Variants in MPP7 observed in about 807,000 individuals in gnomAD.
The protein encoded by MPP7 is MAGUK p55 scaffold protein 7.
Under a neutral mutation model 76.5 loss-of-function variants are expected in MPP7, and 60 were observed. The ratio of observed to expected loss-of-function variants is 0.78; its 90% confidence interval spans 0.64 to 0.97. MPP7 has a LOEUF of 0.97. Among genes scored for constraint, MPP7 ranks in the 50% least tolerant of loss-of-function variants. The pLI is 0.00. For missense variants in MPP7, 641 were observed against 694.0 expected (o/e 0.92, Z 0.86); for synonymous variants, 237 against 244.5 (o/e 0.97, Z 0.29).
intron 12 of MPP7, 23 bp from the exon 13 acceptor site, chr10:28,069,875 T>C (rs1852155494): frequency 1.3e-6 from 2 of 1,587,184 alleles, no homozygotes; most frequent in African/African-American, 2.7e-5. Flanking sequence ...GTAACAGAAA[T>C]TCATTATTGG....
chr10:28,136,247 T>C (rs1249505697), intron 5 of MPP7, among the ~76,000 whole-genome samples: 3 of 151,968 alleles, frequency 2.0e-5, no homozygotes, highest in Non-Finnish European at 4.4e-5. Context: ...ACACAACAAA[T>C]GTAATACACT....
At position 28,209,646 on chromosome 10, in the gene MPP7, A is replaced by G. The variant is rs143927883; in HGVS notation, c.38-7375T>C. On this transcript the variant is annotated intron_variant, in intron 2 of 16. Coordinates refer to ENST00000683449, the MANE Select transcript of MPP7 (RefSeq NM_001318170.2). ...AGATTTGAAAGGGAAATACTATTAC[A>G]TCAAAGGCTTGTATTGACAATGTTT... 1.1e-4 allele frequency among the ~76,000 whole-genome samples: 16 copies of G among 152,330 alleles called. No individual in the cohort carries two copies. The East Asian group carries it at 2.9e-3, about 27-fold the overall frequency.
intron 3 of MPP7, among the ~76,000 whole-genome samples, chr10:28,164,041 G>C (rs1748483): frequency 0.75 from 113,728 of 152,146 alleles, 42,655 homozygotes; most frequent in Middle Eastern, 0.84. Context: ...GAGCATAAAG[G>C]CTTGTGAGAC....
intron 1 of MPP7, among the ~76,000 whole-genome samples, chr10:28,333,728 T>C (rs1355533637): frequency 3.3e-5 from 5 of 152,208 alleles, no homozygotes; most frequent in Admixed American, 3.3e-4. Flanking sequence ...AAGAGATACA[T>C]GTAGCCACAT....
At position 28,120,365 on chromosome 10, in the gene MPP7, T is replaced by A. The variant is rs766806940; in HGVS notation, c.716A>T (p.Tyr239Phe). ...AATTGCCTTATCCTCATTAGGATTA[T>A]AGTCAAAGAGGGCTTTGATAAACAT... ...GKMFIKALFD[Y>F]NPNEDKAIPC... is the part of the protein sequence containing the mutation. Residue 239 changes from tyrosine (Y) to phenylalanine (F), a missense_variant, in exon 10 of 17, where the codon TAT (tyrosine) becomes TTT (phenylalanine). Physicochemically the swap from Tyr to Phe is conservative, Grantham distance 22 (BLOSUM62 3). Transcript: ENST00000683449. 11 of 1,612,786 alleles carry A rather than the reference T, an allele frequency of 6.8e-6. No homozygotes were observed. The highest frequency in any genetic ancestry group is 6.7e-5 in the Admixed American group (4 of 59,742).
At chr10:28,141,396 G>T (rs929235636) in intron 5 of MPP7, among the ~76,000 whole-genome samples, 1 of 151,958 alleles carries the variant, frequency 6.6e-6, no homozygotes. Context: ...GGTAACGGGG[G>T]AAATTATCTA....
chr10:28,226,572 G>C (rs1055247915), intron 2 of MPP7, among the ~76,000 whole-genome samples: 8 of 152,150 alleles, frequency 5.3e-5, no homozygotes, highest in African/African-American at 1.7e-4. Context: ...AATGAGTACT[G>C]AGTTTCTGTA....
intron 11 of MPP7, among the ~76,000 whole-genome samples, chr10:28,097,065 G>T (rs1853604717): frequency 1.3e-5 from 2 of 151,994 alleles, no homozygotes. Context: ...TCACGGCTCA[G>T]TGTAGCCTCA....
chr10:28,150,017 G>A lies in MPP7; in HGVS notation c.199C>T (p.Pro67Ser), dbSNP rs1414514851. 1.2e-6 allele frequency: 2 copies of A among 1,613,444 alleles called. No individual in the cohort carries two copies. Among genetic ancestry groups the A allele is most frequent in the African/African-American group, 1.3e-5 (1 of 74,922 alleles). Residue 67 changes from proline (P) to serine (S), a missense_variant, in exon 4 of 17, where the codon CCC becomes TCC. By Grantham distance (74) the Pro-to-Ser change is moderately conservative. Transcript: ENST00000683449. Reference sequence around the variant, plus strand: ...AAGGCCGCCGCACCATGGAGAATGGGCACCGGACTCTGCTTCTCATAGTAG... The same window carrying A: ...AAGGCCGCCGCACCATGGAGAATGGACACCGGACTCTGCTTCTCATAGTAG... ...LHYYEKQSPV[P>S]ILHGAAALAD...
intron 1 of MPP7, among the ~76,000 whole-genome samples, chr10:28,332,894 C>A (rs1008087250): frequency 5.3e-5 from 8 of 152,074 alleles, no homozygotes; most frequent in African/African-American, 1.4e-4. Flanking sequence ...AACTCCCAAC[C>A]TCAAGCAATC....
intron 5 of MPP7, among the ~76,000 whole-genome samples, chr10:28,144,520 C>T (rs1588843692): frequency 6.6e-6 from 1 of 152,178 alleles, no homozygotes. Flanking sequence ...AGCCACTGTT[C>T]GCCCGTTCTG....
chr10:28,260,975 A>G (rs76852718), intron 1 of MPP7, among the ~76,000 whole-genome samples: 1 of 152,034 alleles, frequency 6.6e-6, no homozygotes, highest in Non-Finnish European at 1.5e-5. Flanking sequence ...TACACTATAA[A>G]ATTTATTCTT....
At chr10:28,221,873 T>A (rs1390434381) in intron 2 of MPP7, among the ~76,000 whole-genome samples, 3 of 152,140 alleles carry the variant, frequency 2.0e-5, no homozygotes, top group African/African-American at 7.2e-5. Flanking sequence ...AAATAAAATA[T>A]TTTAAAGTTT....
At chr10:28,142,736 A>C (rs1288806226) in intron 5 of MPP7, among the ~76,000 whole-genome samples, 1 of 152,174 alleles carries the variant, frequency 6.6e-6, no homozygotes, top group African/African-American at 2.4e-5. Context: ...GTCTCAAAAA[A>C]AGAGAAAGAA....
chr10:28,157,278 T>C (rs961836100), intron 3 of MPP7, among the ~76,000 whole-genome samples: 1 of 152,026 alleles, frequency 6.6e-6, no homozygotes, highest in African/African-American at 2.4e-5. Context: ...TCAAAGACGA[T>C]ACAGGGCTAG....
At chr10:28,286,642 A>G (rs1042757671) in intron 1 of MPP7, among the ~76,000 whole-genome samples, 1 of 152,160 alleles carries the variant, frequency 6.6e-6, no homozygotes, top group Admixed American at 6.5e-5. Flanking sequence ...CATGACATCA[A>G]AATTATCATT....
intron 1 of MPP7, among the ~76,000 whole-genome samples, chr10:28,272,017 G>A (rs1226225836): frequency 6.6e-6 from 1 of 151,982 alleles, no homozygotes; most frequent in African/African-American, 2.4e-5. Context: ...TTACAAGGAT[G>A]CATGTTTGAA....
At chr10:28,143,174 T>C (rs797021490) in intron 5 of MPP7, among the ~76,000 whole-genome samples, 1 of 152,140 alleles carries the variant, frequency 6.6e-6, no homozygotes, top group East Asian at 1.9e-4. Context: ...CATTTAATAT[T>C]TATATATACA....
intron 1 of MPP7, among the ~76,000 whole-genome samples, chr10:28,259,649 G>C (rs1839889140): frequency 6.6e-6 from 1 of 151,550 alleles, no homozygotes; most frequent in Admixed American, 6.6e-5. Context: ...AGGGAGGCAG[G>C]AGATGAGTTA....
Sources: allele counts gnomAD v4.1 joint callset (sites outside exome capture counted in the v4.1 genomes callset), GRCh38; gene constraint gnomAD v4.1.1; transcripts MANE v1.5; gene names NCBI Gene and HGNC (gene_info 2026-07-23, HGNC 2026-07-21).